ARHGEF11: variants seen among roughly 807,000 people sequenced by gnomAD.
The protein encoded by ARHGEF11 is Rho guanine exchange factor (GEF) 11.
A neutral mutation model predicts 193.7 loss-of-function variants in ARHGEF11; 55 were observed. The observed-to-expected ratio is 0.28, with a 90% CI of 0.23 to 0.36. The LOEUF (loss-of-function observed/expected upper bound fraction) is 0.36, where lower values mean the gene tolerates loss of function less well. ARHGEF11 is among the 10% of genes least tolerant of loss of function. The pLI is 1.00. For synonymous variants in ARHGEF11, 693 were observed against 768.0 expected (o/e 0.90, Z 1.62); for missense variants, 1,723 against 2,005.6 (o/e 0.86, Z 2.69).
intron 29 of ARHGEF11, 43 bp downstream of exon 29, chr1:156,946,002 C>A (rs779608869): frequency 6.6e-7 from 1 of 1,517,474 alleles, no homozygotes; most frequent in East Asian, 2.3e-5. Context: ...GGGTCTGGCA[C>A]GAGGCCCACT....
chr1:156,957,942 T>C, intron 17 of ARHGEF11, 127 bp from the exon 18 acceptor site: 1 of 815,146 alleles, frequency 1.2e-6, no homozygotes, highest in Non-Finnish European at 2.1e-6. Flanking sequence ...AGGAGAGAAG[T>C]ACGTCTGATG....
chr1:156,945,972 A>G, intron 29 of ARHGEF11, 73 bp downstream of exon 29: 1 of 1,262,224 alleles, frequency 7.9e-7, no homozygotes, highest in Middle Eastern at 2.5e-4. Flanking sequence ...TGCTAAGGTC[A>G]CAAAGCAGTG....
intron 4 of ARHGEF11, 44 bp from the exon 5 acceptor site, chr1:156,979,330 T>G: frequency 6.9e-7 from 1 of 1,447,356 alleles, no homozygotes; most frequent in Non-Finnish European, 9.7e-7. Context: ...AATGAACAGC[T>G]AGGGGATCCT....
intron 6 of ARHGEF11, among the ~76,000 whole-genome samples, chr1:156,977,527 C>T (rs1051585517): frequency 1.3e-5 from 2 of 152,192 alleles, no homozygotes; most frequent in African/African-American, 4.8e-5. Flanking sequence ...ACCCTCCTGC[C>T]TCAGCCTCCT....
At chr1:157,021,043 T>C (rs887875973) in intron 1 of ARHGEF11, among the ~76,000 whole-genome samples, 33 of 152,124 alleles carry the variant, frequency 2.2e-4, no homozygotes, top group African/African-American at 7.2e-4. Context: ...TCAGAAAAGG[T>C]GGAGAAAGCA....
rs1159025120 is a variant in ARHGEF11, at chr1:156,955,763, C to T, written c.1708G>A (p.Asp570Asn). Residue 570 changes from aspartate (D) to asparagine (N), a missense_variant, in exon 20 of 41, where the codon GAC becomes AAC. Asp to Asn is a conservative substitution (Grantham distance 23). This residue lies in a region of ARHGEF11 where 491 missense variants were observed against 654.5 expected (regional missense o/e 0.75). Transcript: ENST00000368194. Reference protein sequence around the residue: ...NSKKEKDALEDKKRNPILKYI... With the variant: ...NSKKEKDALENKKRNPILKYI... ...TTGAGGATAGGGTTTCGCTTCTTGT[C>T]CTCCAAGGCATCCTTTTCTTTCTTG... 11 of 1,614,072 alleles carry T rather than the reference C, an allele frequency of 6.8e-6. No homozygotes were observed. The highest frequency in any genetic ancestry group is 2.7e-5 in the African/African-American group (2 of 74,930).
chr1:157,011,361 G>T (rs1668518814), intron 1 of ARHGEF11, among the ~76,000 whole-genome samples: 1 of 152,098 alleles, frequency 6.6e-6, no homozygotes, highest in South Asian at 2.1e-4. Context: ...ATGGATCACT[G>T]ACCTAACTGT....
At chr1:156,946,818 C>T (rs377407192) in intron 27 of ARHGEF11, 31 bp from the exon 28 acceptor site, 2 of 1,612,678 alleles carry the variant, frequency 1.2e-6, no homozygotes. Context: ...CGGGGCCAGG[C>T]ATCAAACCCC....
chr1:156,960,305 A>C (rs1413718711), intron 15 of ARHGEF11, 113 bp downstream of exon 15: 1 of 1,006,922 alleles, frequency 9.9e-7, no homozygotes, highest in African/African-American at 1.6e-5. Flanking sequence ...CCTCTATTAC[A>C]GGACGGTTGC....
At chr1:156,963,978 C>G (rs1463475566) in intron 11 of ARHGEF11, among the ~76,000 whole-genome samples, 1 of 152,102 alleles carries the variant, frequency 6.6e-6, no homozygotes, top group African/African-American at 2.4e-5. Context: ...AAACAGCCAC[C>G]CCTACCCCAA....
chr1:156,996,772 C>CAAAAAAAAAAAA (rs66730438), intron 1 of ARHGEF11, among the ~76,000 whole-genome samples: 2 of 38,642 alleles, frequency 5.2e-5, no homozygotes, highest in African/African-American at 7.6e-5. Flanking sequence ...GACTCTGTCT[C>CAAAAAAAAAAAA]AAAAAAAAAA....
At chr1:156,999,811 A>G (rs884891) in intron 1 of ARHGEF11, among the ~76,000 whole-genome samples, 33,777 of 152,130 alleles carry the variant, frequency 0.22, 3,968 homozygotes, top group East Asian at 0.36. Context: ...TTTCCTCCTC[A>G]CCACATCGTA....
intron 40 of ARHGEF11, 25 bp from the exon 41 acceptor site, chr1:156,936,083 G>T: frequency 6.2e-7 from 1 of 1,612,396 alleles, no homozygotes; most frequent in Non-Finnish European, 8.5e-7. Context: ...TGAAGGTGAG[G>T]AACTGGCCAG....
At chr1:157,029,426 C>G (rs536995080) in intron 1 of ARHGEF11, among the ~76,000 whole-genome samples, 14 of 152,262 alleles carry the variant, frequency 9.2e-5, no homozygotes, top group Non-Finnish European at 1.6e-4. Flanking sequence ...CACCTACCAC[C>G]ATGCCCAGCT....
intron 30 of ARHGEF11, 38 bp from the exon 31 acceptor site, chr1:156,944,471 T>C: frequency 6.3e-7 from 1 of 1,584,214 alleles, no homozygotes; most frequent in South Asian, 1.1e-5. Flanking sequence ...CATTCATTCA[T>C]TCATTCATTC....
rs1663246375 is a variant in ARHGEF11, at chr1:156,976,299, C to T, written c.582+684G>A. On this transcript the variant is annotated intron_variant, in intron 7 of 40. Coordinates refer to ENST00000368194, the MANE Select transcript of ARHGEF11 (RefSeq NM_198236.3). ...AGGCCCAGCTGAAATACTATCCTCT[C>T]TGTGAAGTGCTTCCCCATATTTCCC... 2.6e-5 allele frequency among the ~76,000 whole-genome samples: 4 copies of T among 152,152 alleles called. No homozygotes were observed. The South Asian group carries it at 8.3e-4, about 32-fold the overall frequency.
At chr1:157,038,705 A>G (rs1201221298) in intron 1 of ARHGEF11, among the ~76,000 whole-genome samples, 1 of 152,108 alleles carries the variant, frequency 6.6e-6, no homozygotes, top group Non-Finnish European at 1.5e-5. Flanking sequence ...GTTTTAGTAC[A>G]ATAAATTGGG....
chr1:156,941,585 C>G lies in ARHGEF11; in HGVS notation c.3453-152G>C, dbSNP rs548048881. ...GGCAACCCAGAGAGGAGGGGGGCTGCTAGCTGAGCTTCTCTGGTCCCTTGC... is the reference window on the plus strand; with the variant it reads ...GGCAACCCAGAGAGGAGGGGGGCTGGTAGCTGAGCTTCTCTGGTCCCTTGC... On this transcript the variant is annotated intron_variant, in intron 34 of 40. Transcript: ENST00000368194. The G allele has an allele frequency of 4.3e-6, 4 of 931,416 alleles. No individual in the cohort carries two copies. The South Asian group carries it at 6.0e-5, about 14-fold the overall frequency. 57.7% of individuals were successfully genotyped at this position (931,416 alleles called of 1,614,324 possible).
rs141649554 is a variant in ARHGEF11 at position 156,938,420 on chromosome 1, G to A, written c.4190C>T (p.Thr1397Met). Residue 1397 changes from threonine to methionine, a missense_variant and splice_region_variant, in exon 38 of 41, where the codon ACG becomes ATG. Thr to Met is a moderately conservative substitution (Grantham distance 81). This residue lies in a region of ARHGEF11 where 360 missense variants were observed against 344.4 expected (regional missense o/e 1.05). Coordinates refer to ENST00000368194, the MANE Select transcript of ARHGEF11 (RefSeq NM_198236.3). The stretch of plus-strand genomic sequence containing the variant: ...AGCTCCAAGGAGAAAGTTATTACCC[G>A]TAGCCTTTGTTCCGCCTTCCACTTC... ...PPEVEGGTKA[T>M]GNCFYVSMPS... 55 of 1,613,336 alleles carry A rather than the reference G, an allele frequency of 3.4e-5. No homozygotes were observed. Among genetic ancestry groups the A allele is most frequent in the African/African-American group, 2.4e-4 (18 of 75,032 alleles).
Sources: gnomAD v4.1 joint callset for allele counts (sites outside exome capture counted in the v4.1 genomes callset) on GRCh38, gnomAD v4.1.1 for gene constraint, gnomAD v4.1.1 regional missense constraint, MANE v1.5 for transcripts, NCBI Gene and HGNC (gene_info 2026-07-23, HGNC 2026-07-21) for gene names.